GRM1: variants seen among roughly 807,000 people sequenced by gnomAD.
The protein encoded by GRM1 is metabotropic glutamate receptor 1.
A neutral mutation model predicts 90.9 loss-of-function variants in GRM1; 33 were observed. The ratio of observed to expected loss-of-function variants is 0.36; its 90% CI spans 0.28 to 0.49. The LOEUF (loss-of-function observed/expected upper bound fraction) is 0.49. GRM1 is among the 20% of genes least tolerant of loss of function. The pLI, the probability that GRM1 is intolerant of heterozygous loss-of-function variation, is 0.99. For missense variants in GRM1, 1,190 were observed against 1,534.3 expected, an observed-to-expected ratio of 0.78 and a Z score of 3.75; for synonymous variants, 700 against 613.2, an observed-to-expected ratio of 1.14 and a Z score of -2.09.
At chr6:146,343,199 C>A (rs1178872100) in intron 3 of GRM1, among the ~76,000 whole-genome samples, 2 of 151,822 alleles carry the variant, frequency 1.3e-5, no homozygotes, top group Non-Finnish European at 2.9e-5. Context: ...GAGAGGAAGG[C>A]CAAAAGAAAA....
chr6:146,382,541 G>C (rs1002593732), intron 5 of GRM1, among the ~76,000 whole-genome samples: 1 of 151,956 alleles, frequency 6.6e-6, no homozygotes, highest in Non-Finnish European at 1.5e-5. Context: ...TGACATGGAG[G>C]GTTTTATGTA....
At position 146,352,402 on chromosome 6, in the gene GRM1, G is replaced by A. The variant is rs781696971; in HGVS notation, c.1339G>A (p.Gly447Ser). 8 of 1,614,032 alleles carry A rather than the reference G, an allele frequency of 5.0e-6. No individual in the cohort carries two copies. Among genetic ancestry groups the A allele is most frequent in the South Asian group, 1.1e-5 (1 of 91,060 alleles). ...GLCDAMKPID[G>S]SKLLDFLIKS... Reference sequence around the variant, plus strand: ...CTGCGATGCCATGAAGCCCATCGACGGCAGCAAGCTGCTGGACTTCCTCAT... The same window carrying A: ...CTGCGATGCCATGAAGCCCATCGACAGCAGCAAGCTGCTGGACTTCCTCAT... Residue 447 changes from glycine to serine, a missense_variant, in exon 4 of 8, where the codon GGC becomes AGC. Transcript: ENST00000282753.
chr6:146,206,789 CCT>C (rs1365366510), intron 2 of GRM1, among the ~76,000 whole-genome samples: 1 of 151,976 alleles, frequency 6.6e-6, no homozygotes, highest in Non-Finnish European at 1.5e-5. Flanking sequence ...CTTTTCTGCT[CCT>C]CTCTCTTCTC....
chr6:146,227,479 C>A, intron 2 of GRM1, among the ~76,000 whole-genome samples: 1 of 152,120 alleles, frequency 6.6e-6, no homozygotes, highest in East Asian at 1.9e-4. Flanking sequence ...AGTTGCATAG[C>A]AATATTTTAA....
chr6:146,292,378 G>T lies in GRM1; in HGVS notation c.951-12233G>T, dbSNP rs557001690. Among the ~76,000 whole-genome samples the T allele has an allele frequency of 3.3e-5, 5 of 152,000 alleles. 1 individual carries two copies. In the South Asian group the frequency reaches 1.0e-3, roughly 32 times the overall value. ...AACATACAGAGTGGAAGAAATATTT[G>T]CAAATTATATATCTGTTGAGGGCCT... On this transcript the variant is annotated intron_variant, in intron 2 of 7. Coordinates refer to ENST00000282753, the MANE Select transcript of GRM1 (RefSeq NM_001278064.2).
chr6:146,296,294 G>T (rs1394519196), intron 2 of GRM1, among the ~76,000 whole-genome samples: 2 of 152,026 alleles, frequency 1.3e-5, no homozygotes, highest in Non-Finnish European at 2.9e-5. Flanking sequence ...ACTTTTAATT[G>T]ACAAATACTA....
intron 1 of GRM1, among the ~76,000 whole-genome samples, chr6:146,031,477 A>G (rs1790705246): frequency 6.6e-6 from 1 of 152,144 alleles, no homozygotes; most frequent in Admixed American, 6.5e-5. Context: ...TATGGTTATC[A>G]TTATTGAAAA....
At chr6:146,280,787 A>G (rs566390416) in intron 2 of GRM1, among the ~76,000 whole-genome samples, 100 of 150,890 alleles carry the variant, frequency 6.6e-4, no homozygotes, top group Non-Finnish European at 6.8e-4. Flanking sequence ...AGCCCAGGTA[A>G]TTTTTTTTTC....
chr6:146,237,141 A>G (rs1028439734), intron 2 of GRM1, among the ~76,000 whole-genome samples: 3 of 151,990 alleles, frequency 2.0e-5, no homozygotes, highest in African/African-American at 4.8e-5. Flanking sequence ...TGACTCAGCT[A>G]TCTAGTAGAT....
intron 7 of GRM1, among the ~76,000 whole-genome samples, chr6:146,423,469 T>C (rs1384867365): frequency 6.6e-6 from 1 of 151,768 alleles, no homozygotes; most frequent in Non-Finnish European, 1.5e-5. Context: ...TGCTCTATTT[T>C]TTTTTTTTTT....
In GRM1 at chr6:146,413,271, C is replaced by T. The variant is rs1280558103; in HGVS notation, c.2660+13572C>T. Among the ~76,000 whole-genome samples the T allele has an allele frequency of 2.6e-5, 4 of 152,138 alleles. No individual in the cohort carries two copies. The East Asian group carries it at 5.8e-4, about 22-fold the overall frequency. On this transcript the variant is annotated intron_variant, in intron 7 of 7. Transcript: ENST00000282753. ...TAATAATCTTTTTTCCCTTATAAAA[C>T]CCTTACTGATTTTTCCTGGACATCC...
intron 1 of GRM1, among the ~76,000 whole-genome samples, chr6:146,146,900 A>G (rs1777129901): frequency 6.6e-6 from 1 of 152,236 alleles, no homozygotes; most frequent in African/African-American, 2.4e-5. Context: ...AACAGAAAAC[A>G]GAGTAATACA....
intron 1 of GRM1, among the ~76,000 whole-genome samples, chr6:146,051,925 G>A (rs10872582): frequency 0.46 from 69,622 of 151,824 alleles, 16,384 homozygotes; most frequent in Middle Eastern, 0.54. Flanking sequence ...GTTGCAAAGG[G>A]TGGTGGAGGC....
intron 2 of GRM1, among the ~76,000 whole-genome samples, chr6:146,257,477 G>C (rs969195212): frequency 1.3e-5 from 2 of 151,830 alleles, no homozygotes; most frequent in East Asian, 1.9e-4. Context: ...CTACCTATAT[G>C]TGTGTGCGTA....
intron 1 of GRM1, among the ~76,000 whole-genome samples, chr6:146,069,515 T>C (rs1775958673): frequency 6.6e-6 from 1 of 152,220 alleles, no homozygotes; most frequent in Non-Finnish European, 1.5e-5. Context: ...TTTATTTTAT[T>C]TGTAATTGTT....
At chr6:146,042,807 T>C (rs922623135) in intron 1 of GRM1, among the ~76,000 whole-genome samples, 4 of 152,096 alleles carry the variant, frequency 2.6e-5, no homozygotes, top group South Asian at 2.1e-4. Context: ...TAGCAGTTAA[T>C]TAACTTGGCC....
intron 2 of GRM1, among the ~76,000 whole-genome samples, chr6:146,299,742 G>A (rs141276645): frequency 4.3e-4 from 65 of 152,130 alleles, no homozygotes; most frequent in African/African-American, 1.3e-3. Flanking sequence ...CTCTTTTGCC[G>A]TAGCATCTCT....
intron 1 of GRM1, among the ~76,000 whole-genome samples, chr6:146,052,435 C>A (rs1239735700): frequency 1.3e-5 from 2 of 151,988 alleles, no homozygotes; most frequent in East Asian, 3.9e-4. Context: ...GCCTGGAAAT[C>A]AGACTCAGGT....
intron 6 of GRM1, among the ~76,000 whole-genome samples, chr6:146,395,791 A>G (rs1031139939): frequency 6.6e-6 from 1 of 152,188 alleles, no homozygotes; most frequent in Non-Finnish European, 1.5e-5. Context: ...CTGATGACAG[A>G]GTATTTCATT....
Sources: gnomAD v4.1 joint callset for allele counts (sites outside exome capture counted in the v4.1 genomes callset) on GRCh38, gnomAD v4.1.1 for gene constraint, MANE v1.5 for transcripts, NCBI Gene and HGNC (gene_info 2026-07-23, HGNC 2026-07-21) for gene names.